The following FHOD3 variants were observed in gnomAD, a reference collection of about 807,000 sequenced individuals.
FHOD3 encodes the protein formin homology 2 domain containing 3, also known as FH1/FH2 domain-containing protein 3.
A neutral mutation model predicts 173.0 loss-of-function variants in FHOD3; 90 were observed. That is an observed-to-expected ratio of 0.52 (90% CI 0.44 to 0.62). The LOEUF is 0.62. Among genes scored for constraint, FHOD3 ranks in the 20% least tolerant of loss-of-function variants. The pLI is 0.00. For missense variants in FHOD3, 1,945 were observed against 2,034.7 expected, an observed-to-expected ratio of 0.96 and a Z score of 0.85; for synonymous variants, 828 against 823.0, an observed-to-expected ratio of 1.01 and a Z score of -0.10.
At chr18:36,753,481 T>G (rs1441603536) in intron 24 of FHOD3, among the ~76,000 whole-genome samples, 3 of 152,282 alleles carry the variant, frequency 2.0e-5, no homozygotes, top group African/African-American at 7.2e-5. Context: ...ACATTTGGGT[T>G]GTTTCCACTT....
chr18:36,672,183 G>A (rs2149326144), intron 14 of FHOD3, among the ~76,000 whole-genome samples: 1 of 152,210 alleles, frequency 6.6e-6, no homozygotes, highest in South Asian at 2.1e-4. Flanking sequence ...AGATTTTATT[G>A]GAGTCCGCCA....
chr18:36,587,718 G>A (rs903978246), intron 6 of FHOD3, among the ~76,000 whole-genome samples: 22 of 152,232 alleles, frequency 1.4e-4, no homozygotes, highest in Admixed American at 3.9e-4. Flanking sequence ...TTGAACCCTC[G>A]AGGTGGAGGT....
intron 5 of FHOD3, among the ~76,000 whole-genome samples, chr18:36,532,644 A>T (rs981878306): frequency 6.6e-6 from 1 of 152,052 alleles, no homozygotes; most frequent in Non-Finnish European, 1.5e-5. Flanking sequence ...ATCCTTCCCA[A>T]CCCTCTTTGT....
rs541250101 is a variant in FHOD3, at chr18:36,709,391, G to A, written c.2533G>A (p.Gly845Ser). 2.5e-6 allele frequency: 4 copies of A among 1,610,406 alleles called. No homozygotes were observed. Among genetic ancestry groups the A allele is most frequent in the Non-Finnish European group, 2.5e-6 (3 of 1,177,706 alleles). ...CAAGCTCTCCAGGGACAGGACAACTGGTAAATGAAGCCCCTTGTTTCAGTC... is the reference window on the plus strand; with the variant it reads ...CAAGCTCTCCAGGGACAGGACAACTAGTAAATGAAGCCCCTTGTTTCAGTC... ...EDKLSRDRTT[G>S]LWPAGVQDAG... Residue 845 changes from glycine to serine, a missense_variant and splice_region_variant, in exon 18 of 29, where the codon GGT becomes AGT. Coordinates refer to ENST00000590592, the MANE Select transcript of FHOD3 (RefSeq NM_001281740.3).
intron 1 of FHOD3, among the ~76,000 whole-genome samples, chr18:36,349,598 T>G (rs2145650559): frequency 6.6e-6 from 1 of 152,334 alleles, no homozygotes; most frequent in South Asian, 2.1e-4. Context: ...TACACAGAAA[T>G]TTTATTGCCT....
At chr18:36,384,311 C>T (rs952780415) in intron 3 of FHOD3, among the ~76,000 whole-genome samples, 14 of 151,928 alleles carry the variant, frequency 9.2e-5, no homozygotes, top group Non-Finnish European at 1.5e-4. Flanking sequence ...ACCCAGGAGG[C>T]GGAGATTCCA....
intron 5 of FHOD3, among the ~76,000 whole-genome samples, chr18:36,543,685 G>A (rs529534867): frequency 4.6e-5 from 7 of 152,154 alleles, no homozygotes; most frequent in South Asian, 2.1e-4. Flanking sequence ...CAAGCCCCGC[G>A]TACTGGCCTC....
At chr18:36,390,026 G>T (rs934967046) in intron 3 of FHOD3, among the ~76,000 whole-genome samples, 10 of 152,176 alleles carry the variant, frequency 6.6e-5, no homozygotes, top group Admixed American at 3.9e-4. Context: ...TGCTGTGCCT[G>T]TTTTCCCATC....
At chr18:36,602,968 T>A (rs1032165253) in intron 8 of FHOD3, among the ~76,000 whole-genome samples, 200 bp downstream of exon 8, 1 of 152,128 alleles carries the variant, frequency 6.6e-6, no homozygotes, top group African/African-American at 2.4e-5. Flanking sequence ...GATGTGAACA[T>A]GCAAAGAAGA....
chr18:36,733,964 G>A (rs1020400671), intron 20 of FHOD3, among the ~76,000 whole-genome samples: 3 of 152,178 alleles, frequency 2.0e-5, no homozygotes, highest in Admixed American at 6.5e-5. Context: ...GTTTTGTGGG[G>A]TGGCTGGCCC....
At chr18:36,542,418 TGG>T (rs2057260682) in intron 5 of FHOD3, among the ~76,000 whole-genome samples, 1 of 152,206 alleles carries the variant, frequency 6.6e-6, no homozygotes, top group South Asian at 2.1e-4. Context: ...AAACAGTAGA[TGG>T]CCTTTTAATA....
At chr18:36,679,393 C>A (rs1356341100) in intron 14 of FHOD3, among the ~76,000 whole-genome samples, 1 of 151,800 alleles carries the variant, frequency 6.6e-6, no homozygotes, top group South Asian at 2.1e-4. Context: ...CTTCGTTTTC[C>A]TATTTTATTA....
intron 1 of FHOD3, among the ~76,000 whole-genome samples, chr18:36,340,894 C>G (rs113857964): frequency 6.6e-6 from 1 of 152,272 alleles, no homozygotes; most frequent in African/African-American, 2.4e-5. Flanking sequence ...GCCTCGGTCT[C>G]CCAAAGTGCT....
intron 3 of FHOD3, among the ~76,000 whole-genome samples, chr18:36,437,860 C>T (rs2050903569): frequency 6.6e-6 from 1 of 152,064 alleles, no homozygotes; most frequent in South Asian, 2.1e-4. Flanking sequence ...GATGGGATTT[C>T]ACCATGTTGG....
At chr18:36,597,002 T>G (rs921149671) in intron 7 of FHOD3, among the ~76,000 whole-genome samples, 2 of 152,176 alleles carry the variant, frequency 1.3e-5, no homozygotes, top group Non-Finnish European at 2.9e-5. Flanking sequence ...AGGATTTGTG[T>G]TTCATCTCCT....
At chr18:36,652,377 C>G (rs2036117646) in intron 11 of FHOD3, among the ~76,000 whole-genome samples, 193 bp from the exon 12 acceptor site, 1 of 152,256 alleles carries the variant, frequency 6.6e-6, no homozygotes, top group African/African-American at 2.4e-5. Flanking sequence ...CTCAGCATGT[C>G]AGGATTGCTT....
intron 5 of FHOD3, among the ~76,000 whole-genome samples, chr18:36,530,429 T>A (rs1242375916): frequency 6.6e-6 from 1 of 152,196 alleles, no homozygotes; most frequent in Non-Finnish European, 1.5e-5. Flanking sequence ...TTAAATTGAG[T>A]GTCCCTGCTG....
rs139582818 is a variant in FHOD3 at position 36,631,326 on chromosome 18, A to G, written c.1196+5577A>G. Reference sequence around the variant, plus strand: ...TTGAAGCATGGGAGGGCAAGTTCAGAACCCAGCTCTCCCAAAATAGCTATG... The same window carrying G: ...TTGAAGCATGGGAGGGCAAGTTCAGGACCCAGCTCTCCCAAAATAGCTATG... On this transcript the variant is annotated intron_variant, in intron 10 of 28. Coordinates refer to ENST00000590592, the MANE Select transcript of FHOD3 (RefSeq NM_001281740.3). Among the ~76,000 whole-genome samples, 366 of 152,350 alleles carry G rather than the reference A, an allele frequency of 2.4e-3. 1 individual carries two copies. The highest frequency in any genetic ancestry group is 8.5e-3 in the African/African-American group (354 of 41,584).
intron 10 of FHOD3, among the ~76,000 whole-genome samples, chr18:36,646,429 A>T (rs2035688929): frequency 1.3e-5 from 2 of 152,216 alleles, no homozygotes; most frequent in Non-Finnish European, 2.9e-5. Flanking sequence ...ATTAAAAAAC[A>T]TAGCAAAGAT....
Sources: gnomAD v4.1 joint callset for allele counts (sites outside exome capture counted in the v4.1 genomes callset) on GRCh38, gnomAD v4.1.1 for gene constraint, MANE v1.5 for transcripts, NCBI Gene and HGNC (gene_info 2026-07-23, HGNC 2026-07-21) for gene names.